The following SLC1A4 variants were observed in gnomAD, a reference collection of about 807,000 sequenced individuals.
SLC1A4 encodes neutral amino acid transporter A.
In SLC1A4, 19 loss-of-function variants were observed where a neutral mutation model predicts 37.7. That is an observed-to-expected ratio of 0.50 (90% CI 0.35 to 0.74). The LOEUF is 0.74. Among genes scored for constraint, SLC1A4 ranks in the 30% least tolerant of loss-of-function variants. The pLI is 0.01. For synonymous variants in SLC1A4, 299 were observed against 309.8 expected, an observed-to-expected ratio of 0.97 and a Z score of 0.37; for missense variants, 570 against 712.9, an observed-to-expected ratio of 0.80 and a Z score of 2.28.
chr2:64,991,590 G>GCTTA (rs1553370729), intron 1 of SLC1A4, among the ~76,000 whole-genome samples: 13 of 147,152 alleles, frequency 8.8e-5, no homozygotes, highest in African/African-American at 3.0e-4. Flanking sequence ...ACCACACCCA[G>GCTTA]CTTTTTGTTT....
intron 2 of SLC1A4, among the ~76,000 whole-genome samples, chr2:65,003,471 GC>G (rs1673555369): frequency 6.6e-6 from 1 of 152,196 alleles, no homozygotes; most frequent in African/African-American, 2.4e-5. Flanking sequence ...GGAGGCTCAA[GC>G]CAGATTAGAA....
At chr2:64,996,638 T>C (rs369909835) in intron 1 of SLC1A4, among the ~76,000 whole-genome samples, 4 of 152,350 alleles carry the variant, frequency 2.6e-5, no homozygotes, top group African/African-American at 9.6e-5. Flanking sequence ...TAAAAATCAG[T>C]TCCTTGGTGG....
rs1672996198 is a variant in SLC1A4, at chr2:64,990,092, C to A, written c.449C>A (p.Ser150Tyr). ...KPGSGAQTLQ[S>Y]SDLGLEDSGP... ...GGATCCGGTGCGCAGACCCTTCAGT[C>A]CAGCGACCTGGGGCTGGAGGACTCG... is the stretch of plus-strand genomic sequence containing the variant. Residue 150 changes from serine to tyrosine, a missense_variant, in exon 1 of 8, where the codon TCC becomes TAC. Ser to Tyr is a moderately radical substitution (Grantham distance 144). Coordinates refer to ENST00000234256, the MANE Select transcript of SLC1A4 (RefSeq NM_003038.5). The A allele has an allele frequency of 6.2e-7, 1 of 1,609,844 alleles. No homozygotes were observed. The highest frequency in any genetic ancestry group is 1.1e-5 in the South Asian group (1 of 89,914).
chr2:64,996,254 G>T (rs1322736859), intron 1 of SLC1A4, among the ~76,000 whole-genome samples: 1 of 152,142 alleles, frequency 6.6e-6, no homozygotes, highest in East Asian at 1.9e-4. Context: ...TTTTAAGTGT[G>T]ATATATACTG....
In SLC1A4 at chr2:64,989,488, C is replaced by T; in HGVS notation, c.-156C>T. The T allele has an allele frequency of 3.4e-6, 2 of 585,088 alleles. No homozygotes were observed. Among genetic ancestry groups the T allele is most frequent in the Non-Finnish European group, 2.6e-6 (1 of 384,298 alleles). 36.2% of individuals were successfully genotyped at this position (585,088 alleles called of 1,614,324 possible). A position where few individuals can be genotyped will look rare whatever the true frequency, so the allele number is the denominator to read the frequency against. On this transcript the variant is annotated 5_prime_UTR_variant, in exon 1 of 8. Coordinates refer to ENST00000234256, the MANE Select transcript of SLC1A4 (RefSeq NM_003038.5). The stretch of plus-strand genomic sequence containing the variant: ...GCACTCTGCGCCTCTCCTCGCCTTT[C>T]TCGCACCTGCTCCTGCGCCAGGCCC...
chr2:65,001,457 T>G lies in SLC1A4; in HGVS notation c.537T>G (p.Phe179Leu), dbSNP rs367721947. Residue 179 changes from phenylalanine to leucine, a missense_variant, in exon 2 of 8, where the codon TTT (phenylalanine) becomes TTG (leucine). Physicochemically the swap from Phe to Leu is conservative, Grantham distance 22 (BLOSUM62 0). Transcript: ENST00000234256. ...DSFLDLARNL[F>L]PSNLVVAAFR... Reference sequence around the variant, plus strand: ...CTTTCTTTTCCAACAGAAACCTGTTTCCCTCCAATCTTGTGGTTGCAGCTT... The same window carrying G: ...CTTTCTTTTCCAACAGAAACCTGTTGCCCTCCAATCTTGTGGTTGCAGCTT... 3 of 1,614,026 alleles carry G rather than the reference T, an allele frequency of 1.9e-6. No individual in the cohort carries two copies. The highest frequency in any genetic ancestry group is 1.7e-5 in the Admixed American group (1 of 60,002).
chr2:65,001,115 C>T (rs539580615), intron 1 of SLC1A4: 34 of 224,480 alleles, frequency 1.5e-4, no homozygotes, highest in South Asian at 1.5e-3. Context: ...GGCCCAGCAG[C>T]GCAGGCACAG....
At chr2:65,003,263 G>T (rs1673547670) in intron 2 of SLC1A4, among the ~76,000 whole-genome samples, 1 of 152,154 alleles carries the variant, frequency 6.6e-6, no homozygotes, top group African/African-American at 2.4e-5. Context: ...CTTCGAAGGG[G>T]CCAGGAAGGA....
At chr2:64,994,637 G>A (rs1673182070) in intron 1 of SLC1A4, 1 of 152,086 alleles carries the variant, frequency 6.6e-6, no homozygotes, top group South Asian at 2.1e-4. Flanking sequence ...TCCTTCTCAA[G>A]GACTGGTGTG....
chr2:65,020,407 C>T (rs546635168), intron 7 of SLC1A4, among the ~76,000 whole-genome samples: 10 of 152,144 alleles, frequency 6.6e-5, no homozygotes, highest in Non-Finnish European at 1.2e-4. Flanking sequence ...GCTAGGATTA[C>T]AGGCACACTC....
chr2:64,998,863 T>C (rs1673364259), intron 1 of SLC1A4, among the ~76,000 whole-genome samples: 1 of 152,162 alleles, frequency 6.6e-6, no homozygotes, highest in East Asian at 1.9e-4. Context: ...CCGGGGGAAA[T>C]TGTTTCCCAT....
chr2:65,010,481 A>C, intron 3 of SLC1A4, 116 bp from the exon 4 acceptor site: 1 of 817,748 alleles, frequency 1.2e-6, no homozygotes. Context: ...TAAAGAAAAT[A>C]TGAGCTTTTT....
chr2:64,999,488 T>TAA (rs982059194), intron 1 of SLC1A4: 2 of 152,164 alleles, frequency 1.3e-5, no homozygotes, highest in Admixed American at 1.3e-4. Flanking sequence ...TTTAACAGCT[T>TAA]AAACAGCTTA....
intron 2 of SLC1A4, among the ~76,000 whole-genome samples, chr2:65,002,808 C>T (rs748684783): frequency 6.6e-6 from 1 of 151,928 alleles, no homozygotes; most frequent in Non-Finnish European, 1.5e-5. Context: ...GATCTCCTGA[C>T]CTTGTGATCC....
At chr2:65,019,443 C>T (rs1225017480) in intron 7 of SLC1A4, among the ~76,000 whole-genome samples, 1 of 152,100 alleles carries the variant, frequency 6.6e-6, no homozygotes, top group Admixed American at 6.5e-5. Context: ...ATGATCATAG[C>T]ACCCACACCA....
At chr2:65,004,392 G>A (rs564093636) in intron 3 of SLC1A4, among the ~76,000 whole-genome samples, 24 of 152,200 alleles carry the variant, frequency 1.6e-4, no homozygotes, top group African/African-American at 5.1e-4. Flanking sequence ...TGGGACTACA[G>A]ACATGTGCCA....
At position 65,007,277 on chromosome 2, in the gene SLC1A4, TGTGTG is replaced by T. The variant is rs1558521216; in HGVS notation, c.633+3263_633+3267del. Reference sequence around the variant, plus strand: ...TAGATAGGAAGAGTGTGTTTGTGTGTGTGTGTGTGTGTCTGTGGTGATGGGTACTA... The same window carrying T: ...TAGATAGGAAGAGTGTGTTTGTGTGTTGTGTGTCTGTGGTGATGGGTACTA... On this transcript the variant is annotated intron_variant, in intron 3 of 7. Transcript: ENST00000234256. Among the ~76,000 whole-genome samples the T allele has an allele frequency of 2.9e-4, 22 of 75,148 alleles. 1 individual carries two copies. The highest frequency in any genetic ancestry group is 1.2e-3 in the South Asian group (3 of 2,574). 49.3% of individuals were successfully genotyped at this position (75,148 alleles called of 152,430 possible). A position where few individuals can be genotyped will look rare whatever the true frequency, so the allele number is the denominator to read the frequency against.
At position 65,018,489 on chromosome 2, in the gene SLC1A4, TCTGTGTC is replaced by T; in HGVS notation, c.1230-54_1230-48del. ...ATTGCAGCTGCATGGTCTGCATTTC[TCTGTGTC>T]CACTCCACGCTCTATGTTAATGGCT... On this transcript the variant is annotated intron_variant, in intron 6 of 7. Transcript: ENST00000234256. This position sits in a 1 kb window ranked among gnomAD's most constrained non-coding sequence, Gnocchi z 4.3. 6.2e-7 allele frequency: 1 copy of T among 1,600,244 alleles called. No homozygotes were observed. The highest frequency in any genetic ancestry group is 8.5e-7 in the Non-Finnish European group (1 of 1,172,510).
chr2:64,996,598 T>C (rs577775856), intron 1 of SLC1A4, among the ~76,000 whole-genome samples: 2 of 152,340 alleles, frequency 1.3e-5, no homozygotes, highest in African/African-American at 4.8e-5. Context: ...CATGTAGCTA[T>C]TTAAAATTAC....
Sources: allele counts gnomAD v4.1 joint callset (sites outside exome capture counted in the v4.1 genomes callset), GRCh38; gene constraint gnomAD v4.1.1; non-coding constraint Gnocchi (gnomAD v3.1); transcripts MANE v1.5; gene names NCBI Gene and HGNC (gene_info 2026-07-23, HGNC 2026-07-21).